DPYD: variants seen among roughly 807,000 people sequenced by gnomAD.
DPYD encodes dihydropyrimidine dehydrogenase [NADP(+)].
A neutral mutation model predicts 116.2 loss-of-function variants in DPYD; 109 were observed. The observed-to-expected ratio is 0.94, with a 90% CI of 0.80 to 1.10. The LOEUF (loss-of-function observed/expected upper bound fraction) is 1.10. Ranked by LOEUF, DPYD falls within the 50% of genes least tolerant of loss-of-function variation. The pLI is 0.00. For synonymous variants in DPYD, 440 were observed against 432.0 expected, an observed-to-expected ratio of 1.02 and a Z score of -0.23; for missense variants, 1,302 against 1,254.5, an observed-to-expected ratio of 1.04 and a Z score of -0.57.
At chr1:97,645,065 T>G (rs1658177032) in intron 8 of DPYD, among the ~76,000 whole-genome samples, 1 of 152,182 alleles carries the variant, frequency 6.6e-6, no homozygotes, top group African/African-American at 2.4e-5. Flanking sequence ...TTTTTAAAAC[T>G]TACAGTATTC....
chr1:97,443,001 A>G (rs1570741347), intron 14 of DPYD, among the ~76,000 whole-genome samples: 1 of 152,198 alleles, frequency 6.6e-6, no homozygotes, highest in African/African-American at 2.4e-5. Flanking sequence ...GTAATCTTTC[A>G]AAATGTTTAA....
Position 97,118,171 on chromosome 1 carries a change from T to C in DPYD, c.2623-19539A>G, listed in dbSNP as rs74106684. Among the ~76,000 whole-genome samples, 863 of 152,264 alleles carry C rather than the reference T, an allele frequency of 5.7e-3. 6 individuals carry two copies. Among genetic ancestry groups the C allele is most frequent in the African/African-American group, 0.019 (797 of 41,560 alleles). ...TTTATTTTTCCTTTTCTTTCGGTTC[T>C]TCCTAAGACTGACCTTGCTGATGCA... On this transcript the variant is annotated intron_variant, in intron 20 of 22. Transcript: ENST00000370192.
At chr1:97,216,757 T>C (rs1336400805) in intron 19 of DPYD, among the ~76,000 whole-genome samples, 1 of 152,124 alleles carries the variant, frequency 6.6e-6, no homozygotes, top group East Asian at 1.9e-4. Context: ...ATCACGCCAC[T>C]GCACCCCAGC....
chr1:97,889,728 G>A (rs1672684617), intron 1 of DPYD, among the ~76,000 whole-genome samples: 1 of 151,906 alleles, frequency 6.6e-6, no homozygotes. Context: ...GGAAACAGAA[G>A]ACTTGAATAA....
At chr1:97,375,818 C>T (rs1252365993) in intron 15 of DPYD, among the ~76,000 whole-genome samples, 1 of 152,144 alleles carries the variant, frequency 6.6e-6, no homozygotes, top group African/African-American at 2.4e-5. Context: ...CTTATTATTT[C>T]CTGGTTACTT....
chr1:97,341,853 T>C (rs1669602091), intron 16 of DPYD, among the ~76,000 whole-genome samples: 1 of 152,110 alleles, frequency 6.6e-6, no homozygotes, highest in African/African-American at 2.4e-5. Flanking sequence ...CCATGTTGAG[T>C]GACATCAGGT....
At chr1:97,815,049 GAA>G (rs1167894686) in intron 3 of DPYD, among the ~76,000 whole-genome samples, 2 of 148,900 alleles carry the variant, frequency 1.3e-5, no homozygotes, top group African/African-American at 4.9e-5. Context: ...GAGAGAGAGA[GAA>G]AGAGGGAGAA....
intron 18 of DPYD, among the ~76,000 whole-genome samples, chr1:97,259,591 G>A (rs1449927077): frequency 6.6e-6 from 1 of 152,092 alleles, no homozygotes; most frequent in Non-Finnish European, 1.5e-5. Flanking sequence ...ATTAGCAGAT[G>A]AGATCAGGTG....
At position 97,262,578 on chromosome 1, in the gene DPYD, A is replaced by T. The variant is rs1663958479; in HGVS notation, c.2300-27584T>A. On this transcript the variant is annotated intron_variant, in intron 18 of 22. Coordinates refer to ENST00000370192, the MANE Select transcript of DPYD (RefSeq NM_000110.4). ...AGTTTTGAGAGTAGTAATGAAAAAT[A>T]ATCTTTATTTCTTTTATGATCTATA... is the stretch of plus-strand genomic sequence containing the variant. Among the ~76,000 whole-genome samples the T allele has an allele frequency of 5.3e-5, 8 of 152,132 alleles. No individual in the cohort carries two copies. In the South Asian group the frequency reaches 1.7e-3, roughly 31 times the overall value.
chr1:97,137,410 C>A (rs187513187), intron 20 of DPYD, among the ~76,000 whole-genome samples: 188 of 152,308 alleles, frequency 1.2e-3, no homozygotes, highest in African/African-American at 4.4e-3. Flanking sequence ...CCAGGTTTAT[C>A]ATCTCTCTTG....
At chr1:97,350,250 C>T (rs965162203) in intron 16 of DPYD, among the ~76,000 whole-genome samples, 13 of 152,082 alleles carry the variant, frequency 8.5e-5, no homozygotes, top group African/African-American at 3.1e-4. Context: ...TAAGGAGGAA[C>T]ATATTAAATA....
intron 19 of DPYD, among the ~76,000 whole-genome samples, chr1:97,205,323 C>T (rs776227500): frequency 2.0e-5 from 3 of 151,834 alleles, no homozygotes; most frequent in Non-Finnish European, 4.4e-5. Flanking sequence ...TCCCCCTCAC[C>T]CTCACCTCCC....
chr1:97,780,162 TG>T (rs148349748), intron 3 of DPYD, among the ~76,000 whole-genome samples: 3,739 of 152,322 alleles, frequency 0.025, 168 homozygotes, highest in African/African-American at 0.086. Flanking sequence ...ACTGTACTTT[TG>T]TAATCACCTT....
At chr1:97,322,493 G>T (rs1048976162) in intron 16 of DPYD, among the ~76,000 whole-genome samples, 13 of 152,048 alleles carry the variant, frequency 8.5e-5, no homozygotes, top group African/African-American at 2.7e-4. Flanking sequence ...GATAATGTGG[G>T]ATAGAGAAGG....
At chr1:97,515,503 C>A (rs533068034) in intron 13 of DPYD, among the ~76,000 whole-genome samples, 1 of 151,796 alleles carries the variant, frequency 6.6e-6, no homozygotes, top group African/African-American at 2.4e-5. Context: ...ATATTTATAT[C>A]TTTGTTGCTT....
At chr1:97,258,301 T>C (rs1570775437) in intron 18 of DPYD, among the ~76,000 whole-genome samples, 1 of 152,134 alleles carries the variant, frequency 6.6e-6, no homozygotes, top group Admixed American at 6.6e-5. Context: ...TTGTACCCCC[T>C]GTCCCAGGGC....
At chr1:97,599,501 G>A (rs564331009) in intron 8 of DPYD, among the ~76,000 whole-genome samples, 9 of 152,106 alleles carry the variant, frequency 5.9e-5, no homozygotes, top group Non-Finnish European at 1.3e-4. Flanking sequence ...ATTCTATAAT[G>A]TTTGCTTGTG....
At chr1:97,316,306 A>G (rs755666935) in intron 16 of DPYD, among the ~76,000 whole-genome samples, 6 of 151,068 alleles carry the variant, frequency 4.0e-5, no homozygotes, top group Non-Finnish European at 5.9e-5. Flanking sequence ...CCTGGCCCAC[A>G]TGGCAAATCC....
chr1:97,115,513 A>T (rs965247078), intron 20 of DPYD, among the ~76,000 whole-genome samples: 2 of 152,206 alleles, frequency 1.3e-5, no homozygotes, highest in Non-Finnish European at 2.9e-5. Context: ...GTGAAAGAGA[A>T]AGCAGGATTA....
Sources: allele counts gnomAD v4.1 joint callset (sites outside exome capture counted in the v4.1 genomes callset), GRCh38; gene constraint gnomAD v4.1.1; transcripts MANE v1.5; gene names NCBI Gene and HGNC (gene_info 2026-07-23, HGNC 2026-07-21).